Variants in PCDH15 observed in about 807,000 individuals in gnomAD.
The protein encoded by PCDH15 is protocadherin related 15.
In PCDH15, 129 loss-of-function variants were observed where a neutral mutation model predicts 178.5. The observed-to-expected ratio is 0.72, with a 90% CI of 0.63 to 0.84. PCDH15 has a LOEUF of 0.84. PCDH15 is among the 40% of genes least tolerant of loss of function. The pLI, the probability that PCDH15 is intolerant of heterozygous loss-of-function variation, is 0.00. For missense variants in PCDH15, 2,230 were observed against 2,099.9 expected (o/e 1.06, Z -1.21); for synonymous variants, 800 against 732.0 (o/e 1.09, Z -1.50).
At chr10:54,318,452 A>G (rs987124409) in intron 7 of PCDH15, among the ~76,000 whole-genome samples, 1 of 152,136 alleles carries the variant, frequency 6.6e-6, no homozygotes, top group African/African-American at 2.4e-5. Context: ...CTGTGAATAC[A>G]GTCTTCCTTA....
chr10:55,231,854 T>C (rs1265605785), intron 1 of PCDH15, among the ~76,000 whole-genome samples: 2 of 151,976 alleles, frequency 1.3e-5, no homozygotes, highest in South Asian at 2.1e-4. Flanking sequence ...TCTCGATATT[T>C]GCTTACTTTT....
rs569645875 is a variant in PCDH15 at position 55,388,267 on chromosome 10, G to T, written c.-155-221616C>A. Among the ~76,000 whole-genome samples the T allele has an allele frequency of 2.6e-5, 4 of 152,016 alleles. 1 individual carries two copies. The highest frequency in any genetic ancestry group is 9.6e-5 in the African/African-American group (4 of 41,478). On this transcript the variant is annotated intron_variant, in intron 2 of 5. Transcript: ENST00000613346. ...TATGTTTAACATTATTTTTAACCAG[G>T]ATTGCCTACTGGATTCTTCATTGGA...
intron 27 of PCDH15, among the ~76,000 whole-genome samples, chr10:53,860,730 A>G (rs1297386671): frequency 6.6e-6 from 1 of 150,824 alleles, no homozygotes; most frequent in African/African-American, 2.4e-5. Context: ...GTCTCAAAAA[A>G]AAAAAAAAAA....
Position 53,903,249 on chromosome 10 carries a change from T to A in PCDH15, c.3495A>T (p.Arg1165Ser), listed in dbSNP as rs1382708801. Residue 1165 changes from arginine (R) to serine (S), a missense_variant, in exon 26 of 38, where the codon AGA becomes AGT. Coordinates refer to ENST00000644397, the MANE Select transcript of PCDH15 (RefSeq NM_001384140.1). ...TTAACATAATTCCGCATACCTTCACTCTGAGTACAGAAGTAAACATTCTTG... is the reference window on the plus strand; with the variant it reads ...TTAACATAATTCCGCATACCTTCACACTGAGTACAGAAGTAAACATTCTTG... ...EDARMFTSVL[R>S]VKATDKDTGN... is the part of the protein sequence containing the mutation. The A allele has an allele frequency of 6.2e-7, 1 of 1,612,784 alleles. No homozygotes were observed. The highest frequency in any genetic ancestry group is 8.5e-7 in the Non-Finnish European group (1 of 1,179,350).
intron 2 of PCDH15, among the ~76,000 whole-genome samples, chr10:55,155,089 A>G (rs11004758): frequency 0.41 from 61,171 of 148,206 alleles, 14,360 homozygotes; most frequent in Non-Finnish European, 0.54. Flanking sequence ...GTAGTTAGGT[A>G]TAATAGTATA....
chr10:55,057,295 A>C (rs571289196), intron 2 of PCDH15, among the ~76,000 whole-genome samples: 6 of 151,992 alleles, frequency 3.9e-5, no homozygotes, highest in Non-Finnish European at 8.8e-5. Context: ...TTGGTATTCC[A>C]TGCAATTGTT....
intron 2 of PCDH15, among the ~76,000 whole-genome samples, chr10:55,122,852 C>T (rs1488820896): frequency 1.3e-5 from 2 of 151,968 alleles, no homozygotes; most frequent in Non-Finnish European, 2.9e-5. Flanking sequence ...AACAGAGTAA[C>T]TCAAATTCCA....
intron 28 of PCDH15, among the ~76,000 whole-genome samples, chr10:53,847,925 A>T (rs774445497): frequency 4.6e-5 from 7 of 152,030 alleles, no homozygotes; most frequent in Non-Finnish European, 1.0e-4. Flanking sequence ...ACAAAATTAA[A>T]TTTAGCCTTT....
intron 3 of PCDH15, among the ~76,000 whole-genome samples, chr10:54,874,960 T>C (rs1591757312): frequency 6.6e-6 from 1 of 152,276 alleles, no homozygotes; most frequent in Non-Finnish European, 1.5e-5. Flanking sequence ...TGTAGTTAGA[T>C]TTGCAAATAG....
chr10:54,721,780 C>T (rs58919144), intron 1 of PCDH15, among the ~76,000 whole-genome samples: 18,506 of 151,762 alleles, frequency 0.12, 1,258 homozygotes, highest in African/African-American at 0.17. Context: ...AGCCAAATTT[C>T]ATGAGATATA....
At chr10:54,651,882 T>TTTTG (rs1432767954) in intron 2 of PCDH15, among the ~76,000 whole-genome samples, 7 of 152,292 alleles carry the variant, frequency 4.6e-5, no homozygotes, top group African/African-American at 1.4e-4. Context: ...ATATAACTGT[T>TTTTG]TCCTACAAAT....
chr10:55,483,947 A>G (rs558938375), intron 2 of PCDH15, among the ~76,000 whole-genome samples: 1 of 152,020 alleles, frequency 6.6e-6, no homozygotes, highest in South Asian at 2.1e-4. Flanking sequence ...TGGTACAAAT[A>G]CACCATGGAA....
At chr10:53,822,459 G>A (rs559426399) in intron 32 of PCDH15, 2 of 1,603,580 alleles carry the variant, frequency 1.2e-6, no homozygotes, top group African/African-American at 2.7e-5. Context: ...AGGAGGAGAA[G>A]GAGGAGAAAT....
chr10:53,941,463 T>C (rs1404536956), intron 23 of PCDH15, among the ~76,000 whole-genome samples: 2 of 152,204 alleles, frequency 1.3e-5, no homozygotes, highest in Non-Finnish European at 1.5e-5. Flanking sequence ...CTTAGTAATA[T>C]GCATTTAATG....
chr10:55,608,188 G>T (rs954851667), intron 2 of PCDH15, among the ~76,000 whole-genome samples: 1 of 151,416 alleles, frequency 6.6e-6, no homozygotes, highest in Non-Finnish European at 1.5e-5. Context: ...GAGACACAGC[G>T]AGTGACTATA....
Position 55,302,096 on chromosome 10 carries a change from T to C in PCDH15, c.-156+17503A>G, listed in dbSNP as rs139607977. Among the ~76,000 whole-genome samples, 872 of 152,260 alleles carry C rather than the reference T, an allele frequency of 5.7e-3. 13 individuals carry two copies. The highest frequency in any genetic ancestry group is 0.02 in the African/African-American group (835 of 41,550). On this transcript the variant is annotated intron_variant, in intron 1 of 5. Coordinates refer to the PCDH15 transcript ENST00000458638. ...CCTTTCCATATACATGTTAGAATAT[T>C]ATTGTCTAAAATTTGATAGGAATTT... is the stretch of plus-strand genomic sequence containing the variant.
At chr10:55,018,305 C>T (rs191006128) in intron 2 of PCDH15, among the ~76,000 whole-genome samples, 105 of 152,080 alleles carry the variant, frequency 6.9e-4, no homozygotes, top group African/African-American at 2.4e-3. Flanking sequence ...ATCACAGATA[C>T]CAAAATTCAT....
intron 4 of PCDH15, among the ~76,000 whole-genome samples, chr10:54,372,308 T>C (rs1268278268): frequency 6.6e-6 from 1 of 151,794 alleles, no homozygotes; most frequent in East Asian, 1.9e-4. Flanking sequence ...ATGCACTGTG[T>C]ACTGAGGCCT....
chr10:54,409,957 GA>G (rs1953245747), intron 3 of PCDH15, among the ~76,000 whole-genome samples: 1 of 151,998 alleles, frequency 6.6e-6, no homozygotes, highest in African/African-American at 2.4e-5. Flanking sequence ...AGAACCATAA[GA>G]AATATTTTTT....
Sources: allele counts gnomAD v4.1 joint callset (sites outside exome capture counted in the v4.1 genomes callset), GRCh38; gene constraint gnomAD v4.1.1; transcripts MANE v1.5; gene names NCBI Gene and HGNC (gene_info 2026-07-23, HGNC 2026-07-21).